Variants in URGCP observed in about 807,000 individuals in gnomAD.
The protein encoded by URGCP is upregulator of cell proliferation, also known as up-regulator of cell proliferation.
In URGCP, 13 loss-of-function variants were observed where a neutral mutation model predicts 24.6. The observed-to-expected ratio is 0.53, with a 90% confidence interval of 0.34 to 0.84. The LOEUF (loss-of-function observed/expected upper bound fraction) is 0.84. Ranked by LOEUF, URGCP falls within the 40% of genes least tolerant of loss-of-function variation. The pLI is 0.01. For synonymous variants in URGCP, 444 were observed against 487.2 expected (o/e 0.91, Z 1.17); for missense variants, 899 against 1,194.3 (o/e 0.75, Z 3.64).
intron 1 of URGCP, among the ~76,000 whole-genome samples, chr7:43,890,730 G>C (rs1474691562): frequency 6.6e-6 from 1 of 152,184 alleles, no homozygotes; most frequent in African/African-American, 2.4e-5. Flanking sequence ...TCAGGGTCCA[G>C]GGTGTCCACA....
intron 1 of URGCP, chr7:43,888,473 C>T (rs4724253): frequency 0.13 from 19,686 of 149,722 alleles, 1,457 homozygotes; most frequent in Admixed American, 0.2. Context: ...TGCACTCCAG[C>T]CTGGGTGACA....
At chr7:43,880,334 ATAAGCTAGATGCTTGAAACAG>A (rs2095851974) in intron 5 of URGCP, among the ~76,000 whole-genome samples, 2 of 152,242 alleles carry the variant, frequency 1.3e-5, no homozygotes, top group Admixed American at 1.3e-4. Context: ...ATAAGATCTT[ATAAGCTAGATGCTTGAAACAG>A]TATTGCTACC....
At chr7:43,916,164 G>A (rs1317897780) in intron 1 of URGCP, among the ~76,000 whole-genome samples, 1 of 152,172 alleles carries the variant, frequency 6.6e-6, no homozygotes, top group African/African-American at 2.4e-5. Context: ...CACCAGGCCA[G>A]GAATAGGTTG....
chr7:43,895,304 C>T (rs180887553), intron 1 of URGCP, among the ~76,000 whole-genome samples: 46 of 152,202 alleles, frequency 3.0e-4, no homozygotes, highest in African/African-American at 1.1e-3. Flanking sequence ...CGAAAAAATG[C>T]TCAACATCCC....
intron 1 of URGCP, chr7:43,920,026 A>G (rs1358715003): frequency 3.8e-6 from 5 of 1,322,836 alleles, no homozygotes; most frequent in Non-Finnish European, 5.5e-6. Context: ...CCACATGGCC[A>G]GACTACATCT....
At chr7:43,903,433 CTATT>C (rs898724553) in intron 1 of URGCP, among the ~76,000 whole-genome samples, 34 of 152,308 alleles carry the variant, frequency 2.2e-4, no homozygotes, top group Non-Finnish European at 1.5e-4. Context: ...GAATAAGTGA[CTATT>C]TAAAATCTTT....
intron 1 of URGCP, among the ~76,000 whole-genome samples, chr7:43,903,432 A>C (rs975852569): frequency 2.6e-5 from 4 of 152,226 alleles, no homozygotes; most frequent in African/African-American, 9.7e-5. Context: ...AGAATAAGTG[A>C]CTATTTAAAA....
At chr7:43,920,838 A>C (rs1037003395) in intron 1 of URGCP, among the ~76,000 whole-genome samples, 1 of 152,020 alleles carries the variant, frequency 6.6e-6, no homozygotes, top group African/African-American at 2.4e-5. Context: ...TCCCCCTCAA[A>C]ATCTGTTTTT....
intron 1 of URGCP, among the ~76,000 whole-genome samples, chr7:43,889,816 A>AAGTG (rs1716829008): frequency 6.6e-6 from 1 of 152,034 alleles, no homozygotes; most frequent in African/African-American, 2.4e-5. Context: ...TTTACTGTAC[A>AAGTG]CACCCTACTT....
At chr7:43,883,071 A>G (rs535321782) in intron 3 of URGCP, among the ~76,000 whole-genome samples, 2 of 152,180 alleles carry the variant, frequency 1.3e-5, no homozygotes, top group South Asian at 4.1e-4. Flanking sequence ...ATTTGTCCAA[A>G]GTCTCCAAAC....
At chr7:43,925,011 A>G (rs1194163255) in intron 1 of URGCP, among the ~76,000 whole-genome samples, 1 of 151,888 alleles carries the variant, frequency 6.6e-6, no homozygotes, top group African/African-American at 2.4e-5. Context: ...ACCCACCTCA[A>G]CCTCCCAAAG....
chr7:43,905,601 C>T (rs1253036869), intron 1 of URGCP: 2 of 152,188 alleles, frequency 1.3e-5, no homozygotes, highest in African/African-American at 4.8e-5. Context: ...CCCTCCCCAC[C>T]CCTACCACTG....
rs746360005 is a variant in URGCP at position 43,877,794 on chromosome 7, T to A, written c.1669A>T (p.Ser557Cys). The A allele has an allele frequency of 1.1e-5, 17 of 1,603,474 alleles. No homozygotes were observed. Among genetic ancestry groups the A allele is most frequent in the Non-Finnish European group, 1.4e-5 (16 of 1,174,602 alleles). The change falls in exon 6 of 6, where the codon AGC becomes TGC. Residue 557 changes from serine (S) to cysteine (C), a missense_variant. By Grantham distance (112) the Ser-to-Cys change is moderately radical. Coordinates refer to ENST00000453200, the MANE Select transcript of URGCP (RefSeq NM_001077663.3). ...TACTGCTTCTCACTCAAGGAGGGGC[T>A]GCTGATCCCCGAGATGAACTCCTGC... ...GVQEFISGIS[S>C]PSLSEKQYFL...
chr7:43,925,688 C>T (rs1488741242), intron 1 of URGCP, among the ~76,000 whole-genome samples: 2 of 151,212 alleles, frequency 1.3e-5, no homozygotes, highest in African/African-American at 4.9e-5. Flanking sequence ...TTAGTAGAGA[C>T]GGAGTTTCAG....
At chr7:43,905,735 G>A (rs944716993) in intron 1 of URGCP, 5 of 152,122 alleles carry the variant, frequency 3.3e-5, no homozygotes, top group Non-Finnish European at 5.9e-5. Context: ...CGATGACCTT[G>A]AGCCTAATTT....
chr7:43,882,838 T>C (rs2095856016), intron 3 of URGCP, among the ~76,000 whole-genome samples: 1 of 152,226 alleles, frequency 6.6e-6, no homozygotes, highest in Non-Finnish European at 1.5e-5. Context: ...ACCATAAAAC[T>C]TACATAGATT....
At chr7:43,896,974 A>C (rs1221308000) in intron 1 of URGCP, among the ~76,000 whole-genome samples, 1 of 152,200 alleles carries the variant, frequency 6.6e-6, no homozygotes, top group Non-Finnish European at 1.5e-5. Context: ...GGAATTTAGG[A>C]TACATTAATG....
intron 3 of URGCP, among the ~76,000 whole-genome samples, chr7:43,885,694 T>G (rs2095861131): frequency 6.6e-6 from 1 of 152,138 alleles, no homozygotes; most frequent in Non-Finnish European, 1.5e-5. Context: ...AAGCATCCAA[T>G]AAGGCCATTC....
At chr7:43,913,419 C>T (rs1000760060) in intron 1 of URGCP, among the ~76,000 whole-genome samples, 19 of 151,618 alleles carry the variant, frequency 1.3e-4, no homozygotes, top group Non-Finnish European at 2.5e-4. Flanking sequence ...GGGGTTTCAC[C>T]GTGTTAGCCA....
Sources: gnomAD v4.1 joint callset for allele counts (sites outside exome capture counted in the v4.1 genomes callset) on GRCh38, gnomAD v4.1.1 for gene constraint, MANE v1.5 for transcripts, NCBI Gene and HGNC (gene_info 2026-07-23, HGNC 2026-07-21) for gene names.